The following TCERG1L variants were observed in gnomAD, a reference collection of about 807,000 sequenced individuals.
The protein encoded by TCERG1L is transcription elongation regulator 1-like protein.
TCERG1L carries 37 observed loss-of-function variants against 56.3 expected under a neutral mutation model. That is an observed-to-expected ratio of 0.66 (90% CI 0.51 to 0.87). The LOEUF (loss-of-function observed/expected upper bound fraction) is 0.87, where lower values mean the gene tolerates loss of function less well. Ranked by LOEUF, TCERG1L falls within the 40% of genes least tolerant of loss-of-function variation. The probability of loss-of-function intolerance (pLI) is 0.00; values close to 1 mark genes in which losing one functional copy is unlikely to be tolerated. For synonymous variants in TCERG1L, 324 were observed against 326.3 expected, an observed-to-expected ratio of 0.99 and a Z score of 0.08; for missense variants, 799 against 774.2, an observed-to-expected ratio of 1.03 and a Z score of -0.38.
At chr10:131,128,513 T>G (rs1845586048) in intron 8 of TCERG1L, among the ~76,000 whole-genome samples, 1 of 152,026 alleles carries the variant, frequency 6.6e-6, no homozygotes, top group Admixed American at 6.5e-5. Context: ...GTAACTAAAA[T>G]CGACTAAAAC....
chr10:131,152,416 A>G (rs1845875025), intron 6 of TCERG1L, among the ~76,000 whole-genome samples: 1 of 152,102 alleles, frequency 6.6e-6, no homozygotes, highest in African/African-American at 2.4e-5. Flanking sequence ...CCTCATCTCC[A>G]TCTGAGACCA....
Position 131,093,357 on chromosome 10 carries a change from G to A in TCERG1L, c.1605-39C>T, listed in dbSNP as rs1454377286. The A allele has an allele frequency of 1.9e-6, 3 of 1,605,406 alleles. No individual in the cohort carries two copies. The African/African-American group carries it at 4.0e-5, about 22-fold the overall frequency. ...AGTTTCCTGAGACACCTTCCAGAGA[G>A]CAACTCTGGCCTCCCCAGAGATCCT... is the stretch of plus-strand genomic sequence containing the variant. On this transcript the variant is annotated intron_variant, in intron 11 of 11. Coordinates refer to ENST00000368642, the MANE Select transcript of TCERG1L (RefSeq NM_174937.4).
intron 6 of TCERG1L, chr10:131,161,778 A>C (rs1845979863): frequency 6.6e-6 from 1 of 152,148 alleles, no homozygotes; most frequent in Admixed American, 6.5e-5. Context: ...ATGTAGTTAC[A>C]TCTCCATTAA....
intron 10 of TCERG1L, among the ~76,000 whole-genome samples, chr10:131,099,582 C>T (rs1845284830): frequency 6.6e-6 from 1 of 152,220 alleles, no homozygotes; most frequent in South Asian, 2.1e-4. Context: ...GCAGCTTCTT[C>T]TACACTCATG....
intron 3 of TCERG1L, among the ~76,000 whole-genome samples, chr10:131,264,692 CATT>C (rs1202515216): frequency 2.6e-5 from 4 of 152,224 alleles, no homozygotes; most frequent in African/African-American, 9.6e-5. Flanking sequence ...TCTCAGGTCT[CATT>C]ATCTGAGGCC....
At chr10:131,101,527 A>ACGCACGCCACACACAACC (rs1454552031) in intron 10 of TCERG1L, among the ~76,000 whole-genome samples, 1 of 152,156 alleles carries the variant, frequency 6.6e-6, no homozygotes, top group Non-Finnish European at 1.5e-5. Context: ...GGCACGTGCC[A>ACGCACGCCACACACAACC]CGCACGCCAC....
intron 6 of TCERG1L, among the ~76,000 whole-genome samples, chr10:131,150,367 G>T (rs780874661): frequency 6.6e-6 from 1 of 152,250 alleles, no homozygotes; most frequent in Non-Finnish European, 1.5e-5. Context: ...ACTAAGAGCT[G>T]CTAGGTGCAC....
intron 8 of TCERG1L, among the ~76,000 whole-genome samples, chr10:131,125,683 GT>G (rs1845558397): frequency 6.6e-6 from 1 of 152,232 alleles, no homozygotes; most frequent in African/African-American, 2.4e-5. Flanking sequence ...GAGCACAGGG[GT>G]GTCGGTTCCG....
intron 4 of TCERG1L, among the ~76,000 whole-genome samples, chr10:131,171,715 C>A (rs551927453): frequency 1.3e-5 from 2 of 152,288 alleles, no homozygotes; most frequent in Admixed American, 1.3e-4. Flanking sequence ...AGATTACAGG[C>A]ATGCGCCACC....
chr10:131,224,050 C>T (rs938240139), intron 4 of TCERG1L, among the ~76,000 whole-genome samples: 3 of 152,094 alleles, frequency 2.0e-5, no homozygotes, highest in African/African-American at 2.4e-5. Flanking sequence ...CACTTCCAAC[C>T]GTTTCCTTTT....
At chr10:131,105,794 A>G (rs917310850) in intron 9 of TCERG1L, among the ~76,000 whole-genome samples, 16 of 152,172 alleles carry the variant, frequency 1.1e-4, no homozygotes, top group African/African-American at 3.9e-4. Context: ...ACTCATGGAT[A>G]CTCAGCCCAT....
chr10:131,138,061 G>A (rs918124086), intron 7 of TCERG1L, among the ~76,000 whole-genome samples: 4 of 152,200 alleles, frequency 2.6e-5, no homozygotes, highest in Non-Finnish European at 5.9e-5. Flanking sequence ...CTGAGGTCAG[G>A]AGTTCGAGAC....
At chr10:131,141,783 T>C (rs969131674) in intron 7 of TCERG1L, among the ~76,000 whole-genome samples, 6 of 152,066 alleles carry the variant, frequency 3.9e-5, no homozygotes, top group African/African-American at 1.2e-4. Flanking sequence ...CATCTCTCTT[T>C]CTCCACCAAA....
At chr10:131,098,230 A>T (rs1437712440) in intron 11 of TCERG1L, 76 bp downstream of exon 11, 2 of 1,471,624 alleles carry the variant, frequency 1.4e-6, no homozygotes, top group Non-Finnish European at 1.8e-6. Flanking sequence ...TTTAACAAAA[A>T]CAAACCTGAA....
At chr10:131,282,633 C>T (rs1190042271) in intron 3 of TCERG1L, among the ~76,000 whole-genome samples, 1 of 150,792 alleles carries the variant, frequency 6.6e-6, no homozygotes, top group Non-Finnish European at 1.5e-5. Flanking sequence ...GCTTTGTTCA[C>T]ACCTCTATCC....
rs1207901632 is a variant in TCERG1L, at chr10:131,097,411, A to G, written c.1604+895T>C. Among the ~76,000 whole-genome samples, 3 of 152,110 alleles carry G rather than the reference A, an allele frequency of 2.0e-5. No homozygotes were observed. The East Asian group carries it at 5.8e-4, about 29-fold the overall frequency. On this transcript the variant is annotated intron_variant, in intron 11 of 11. Coordinates refer to ENST00000368642, the MANE Select transcript of TCERG1L (RefSeq NM_174937.4). ...CGCCCAGGTTGGAGTGCAGTGGTGC[A>G]ATCAAGGCTCACTGCAAGCTCCGCC... is the stretch of plus-strand genomic sequence containing the variant.
chr10:131,304,743 C>A (rs754007293), intron 3 of TCERG1L, among the ~76,000 whole-genome samples: 1 of 152,110 alleles, frequency 6.6e-6, no homozygotes, highest in African/African-American at 2.4e-5. Context: ...ATGTATTTGT[C>A]TGTGAGAAGG....
At chr10:131,094,162 T>C (rs1276187561) in intron 11 of TCERG1L, among the ~76,000 whole-genome samples, 1 of 152,176 alleles carries the variant, frequency 6.6e-6, no homozygotes, top group African/African-American at 2.4e-5. Flanking sequence ...AACTTCCTGT[T>C]CTCTTAGCCT....
At chr10:131,275,125 G>A (rs1846378825) in intron 3 of TCERG1L, among the ~76,000 whole-genome samples, 1 of 152,228 alleles carries the variant, frequency 6.6e-6, no homozygotes, top group Non-Finnish European at 1.5e-5. Context: ...CCATGACACA[G>A]TGCCTGGCAG....
Sources: allele counts gnomAD v4.1 joint callset (sites outside exome capture counted in the v4.1 genomes callset), GRCh38; gene constraint gnomAD v4.1.1; transcripts MANE v1.5; gene names NCBI Gene and HGNC (gene_info 2026-07-23, HGNC 2026-07-21).